The following SLC16A2 variants were observed in gnomAD, a reference collection of about 807,000 sequenced individuals.
SLC16A2 encodes solute carrier family 16 member 2.
Under a neutral mutation model 27.2 loss-of-function variants are expected in SLC16A2, and 3 were observed. The ratio of observed to expected loss-of-function variants is 0.11; its 90% CI spans 0.05 to 0.28. The LOEUF (loss-of-function observed/expected upper bound fraction) is 0.28. SLC16A2 is among the 10% of genes least tolerant of loss of function. The pLI, the probability that SLC16A2 is intolerant of heterozygous loss-of-function variation, is 1.00. For missense variants in SLC16A2, 295 were observed against 458.5 expected (o/e 0.64, Z 3.26); for synonymous variants, 202 against 187.8 (o/e 1.08, Z -0.62).
chrX:74,458,252 ATACATATACAG>A (rs1929070115), intron 1 of SLC16A2, among the ~76,000 whole-genome samples: 1 of 112,448 alleles, frequency 8.9e-6, no homozygotes, highest in Non-Finnish European at 1.9e-5. Context: ...ATGATTTTAT[ATACATATACAG>A]TCTGAAATTT....
chrX:74,422,959 A>G (rs1036207875), intron 1 of SLC16A2, among the ~76,000 whole-genome samples: 1 of 113,033 alleles, frequency 8.8e-6, no homozygotes, highest in Non-Finnish European at 1.9e-5. Flanking sequence ...CAGACCCGCC[A>G]TTCCAGCTTT....
In SLC16A2 at chrX:74,519,731, C is replaced by CA. The variant is rs1192582302; in HGVS notation, c.431-1249dup. Among the ~76,000 whole-genome samples the CA allele has an allele frequency of 3.3e-3, 252 of 75,378 alleles. 2 individuals are homozygous for CA. The highest frequency in any genetic ancestry group is 0.01 in the Middle Eastern group (1 of 97). The allele number at this position is 75,378 out of a possible 115,157, so 65.5% of individuals were successfully genotyped here. ...ACTGTGTCTCAAAAAAAAAAAAAAA[C>CA]AAAAAAAAAACGAAAGAAAGAAAAA... On this transcript the variant is annotated intron_variant, in intron 1 of 5. Coordinates refer to ENST00000587091, the MANE Select transcript of SLC16A2 (RefSeq NM_006517.5).
chrX:74,453,164 C>G (rs1928974570), intron 1 of SLC16A2, among the ~76,000 whole-genome samples: 2 of 109,079 alleles, frequency 1.8e-5, no homozygotes. Flanking sequence ...GCCTCAGCCT[C>G]CCGAGTAGCT....
chrX:74,427,811 G>GCGCA (rs1459240575), intron 1 of SLC16A2, among the ~76,000 whole-genome samples: 79 of 101,724 alleles, frequency 7.8e-4, no homozygotes, highest in Middle Eastern at 5.0e-3. Flanking sequence ...GCACGCGCGC[G>GCGCA]CACACACACA....
chrX:74,474,881 G>T (rs1197321784), intron 1 of SLC16A2, among the ~76,000 whole-genome samples: 1 of 110,645 alleles, frequency 9.0e-6, no homozygotes, highest in Non-Finnish European at 1.9e-5. Context: ...GTCTATCATT[G>T]TTGGACATTT....
At chrX:74,525,718 G>C in intron 3 of SLC16A2, 32 bp from the exon 4 acceptor site, 2 of 1,210,533 alleles carry the variant, frequency 1.7e-6, no homozygotes, top group Non-Finnish European at 2.2e-6. Context: ...TTCTCCTCCT[G>C]TTTCTGGGGA....
At chrX:74,530,202 A>G (rs972777125) in intron 5 of SLC16A2, among the ~76,000 whole-genome samples, 1 of 106,230 alleles carries the variant, frequency 9.4e-6, no homozygotes, top group African/African-American at 3.5e-5. Flanking sequence ...CTGGGTTCAA[A>G]CGATTCTCCT....
chrX:74,477,786 T>C (rs1929516293), intron 1 of SLC16A2, among the ~76,000 whole-genome samples: 1 of 111,851 alleles, frequency 8.9e-6, no homozygotes, highest in Non-Finnish European at 1.9e-5. Context: ...TGTAGTTGAG[T>C]GGTTTTGAGT....
chrX:74,490,365 TAAA>T (rs376272755), intron 1 of SLC16A2, among the ~76,000 whole-genome samples: 2 of 99,136 alleles, frequency 2.0e-5, no homozygotes. Context: ...TTCCCACACT[TAAA>T]AAAAAAAAAA....
intron 1 of SLC16A2, among the ~76,000 whole-genome samples, chrX:74,480,448 C>T (rs747180598): frequency 4.4e-5 from 5 of 112,644 alleles, no homozygotes; most frequent in East Asian, 5.6e-4. Context: ...GGCAAAGCCT[C>T]GCCCGGCTTT....
chrX:74,500,621 C>A (rs954398145), intron 1 of SLC16A2, among the ~76,000 whole-genome samples: 1 of 111,520 alleles, frequency 9.0e-6, no homozygotes, highest in Non-Finnish European at 1.9e-5. Context: ...TATCGCTTAG[C>A]TCCCACATAT....
At chrX:74,524,078 T>C (rs1333902577) in intron 2 of SLC16A2, among the ~76,000 whole-genome samples, 1 of 111,811 alleles carries the variant, frequency 8.9e-6, no homozygotes, top group Non-Finnish European at 1.9e-5. Flanking sequence ...GATGGGGTGC[T>C]ATGAGTCATG....
intron 1 of SLC16A2, among the ~76,000 whole-genome samples, chrX:74,461,458 A>G (rs1329228052): frequency 9.2e-6 from 1 of 109,237 alleles, no homozygotes; most frequent in Non-Finnish European, 1.9e-5. Flanking sequence ...CTGTCTGTGA[A>G]AAAGAGGGAA....
intron 1 of SLC16A2, among the ~76,000 whole-genome samples, chrX:74,439,711 G>T (rs919980317): frequency 9.2e-5 from 10 of 108,836 alleles, no homozygotes; most frequent in Non-Finnish European, 1.1e-4. Flanking sequence ...GGAGTGGGGG[G>T]TGGTACCATG....
intron 1 of SLC16A2, among the ~76,000 whole-genome samples, chrX:74,489,784 A>G (rs777176496): frequency 2.7e-5 from 3 of 110,931 alleles, no homozygotes; most frequent in Admixed American, 1.9e-4. Context: ...ATCAACCTAG[A>G]CAGTTGTCAG....
At chrX:74,484,319 C>G (rs915552250) in intron 1 of SLC16A2, among the ~76,000 whole-genome samples, 2 of 111,758 alleles carry the variant, frequency 1.8e-5, no homozygotes, top group African/African-American at 6.5e-5. Flanking sequence ...GGCAAAACAA[C>G]TTGAAGTTGG....
rs1197837584 is a variant in SLC16A2 at position 74,465,129 on chromosome X, A to G, written c.430+43062A>G. Among the ~76,000 whole-genome samples, 4 of 112,259 alleles carry G rather than the reference A, an allele frequency of 3.6e-5. No individual in the cohort carries two copies. The Admixed American group carries it at 3.8e-4, about 11-fold the overall frequency. ...GTTAATGAAACAGGATATGAGATCC[A>G]TCTCATGTCTTCCTTCCAGTACTCC... On this transcript the variant is annotated intron_variant, in intron 1 of 5. Transcript: ENST00000587091.
intron 1 of SLC16A2, among the ~76,000 whole-genome samples, chrX:74,465,091 G>A (rs1929226490): frequency 8.9e-6 from 1 of 112,009 alleles, no homozygotes; most frequent in South Asian, 3.7e-4. Flanking sequence ...GAAATTGCAT[G>A]GTGTGAAAAA....
intron 1 of SLC16A2, among the ~76,000 whole-genome samples, chrX:74,495,045 G>C (rs1396590797): frequency 1.8e-5 from 2 of 111,485 alleles, no homozygotes; most frequent in African/African-American, 6.5e-5. Flanking sequence ...TCTCCTCCCA[G>C]GTGACTGCCC....
Sources: gnomAD v4.1 joint callset for allele counts (sites outside exome capture counted in the v4.1 genomes callset) on GRCh38, gnomAD v4.1.1 for gene constraint, MANE v1.5 for transcripts, NCBI Gene and HGNC (gene_info 2026-07-23, HGNC 2026-07-21) for gene names.